Variants in PYGB observed in about 807,000 individuals in gnomAD.
PYGB encodes glycogen phosphorylase B.
In PYGB, 82 loss-of-function variants were observed where a neutral mutation model predicts 94.3. The observed-to-expected ratio is 0.87, with a 90% confidence interval of 0.73 to 1.04. The LOEUF (loss-of-function observed/expected upper bound fraction) is 1.04. Among genes scored for constraint, PYGB ranks in the 50% least tolerant of loss-of-function variants. The probability of loss-of-function intolerance (pLI) is 0.00; values close to 1 mark genes in which losing one functional copy is unlikely to be tolerated. For missense variants in PYGB, 1,132 were observed against 1,158.2 expected, an observed-to-expected ratio of 0.98 and a Z score of 0.33; for synonymous variants, 488 against 479.1, an observed-to-expected ratio of 1.02 and a Z score of -0.24.
rs1047924416 is a variant in PYGB, at chr20:25,297,353, G to A, written c.*831G>A. ...TTTCTTGTTTTAGCAACTGAAAATT[G>A]TACTTGGTCACTTTTGTGCTTGAGG... On this transcript the variant is annotated 3_prime_UTR_variant, in exon 20 of 20. Coordinates refer to ENST00000216962, the MANE Select transcript of PYGB (RefSeq NM_002862.4). 1 of 152,372 alleles carries A rather than the reference G, an allele frequency of 6.6e-6. No individual in the cohort carries two copies. Among genetic ancestry groups the A allele is most frequent in the African/African-American group, 2.4e-5 (1 of 41,478 alleles). The allele number at this position is 152,372 out of a possible 1,614,324, so 9.4% of individuals were successfully genotyped here.
chr20:25,292,703 G>C, intron 17 of PYGB, 90 bp downstream of exon 17: 1 of 1,453,294 alleles, frequency 6.9e-7, no homozygotes, highest in Non-Finnish European at 9.2e-7. Context: ...TGGGCTCTTG[G>C]GGCCAGGCCA....
intron 2 of PYGB, among the ~76,000 whole-genome samples, chr20:25,259,671 TC>T (rs1439527543): frequency 6.6e-6 from 1 of 152,262 alleles, no homozygotes; most frequent in East Asian, 1.9e-4. Flanking sequence ...CATTTTGACT[TC>T]ATCAAACTGC....
intron 11 of PYGB, 61 bp downstream of exon 11, chr20:25,281,173 G>T (rs1239235125): frequency 1.3e-6 from 2 of 1,584,146 alleles, no homozygotes; most frequent in Non-Finnish European, 1.7e-6. Context: ...CTGCGTCTAG[G>T]ACCATCCACC....
rs377097795 is a variant in PYGB, at chr20:25,276,686, A to G, written c.701A>G (p.Tyr234Cys). 106 of 1,613,808 alleles carry G rather than the reference A, an allele frequency of 6.6e-5. No homozygotes were observed. Among genetic ancestry groups the G allele is most frequent in the Non-Finnish European group, 8.3e-5 (98 of 1,179,908 alleles). ...CCCTACGACACCCCAGTGCCCGGCT[A>G]CAAGAACAACACCGTCAACACCATG... ...AMPYDTPVPGYKNNTVNTMRL... is the reference protein window; with the variant it reads ...AMPYDTPVPGCKNNTVNTMRL... The change falls in exon 6 of 20, where the codon TAC (tyrosine) becomes TGC (cysteine). Residue 234 changes from tyrosine to cysteine, a missense_variant. Tyr to Cys is a radical substitution (Grantham distance 194). Coordinates refer to ENST00000216962, the MANE Select transcript of PYGB (RefSeq NM_002862.4).
chr20:25,254,096 A>G (rs74967589), intron 1 of PYGB, among the ~76,000 whole-genome samples: 9,650 of 150,748 alleles, frequency 0.064, 972 homozygotes, highest in African/African-American at 0.22. Flanking sequence ...AAACTGAGTC[A>G]TAGCCTTGTT....
At chr20:25,261,649 AGAG>A (rs989689474) in intron 2 of PYGB, among the ~76,000 whole-genome samples, 43 of 152,346 alleles carry the variant, frequency 2.8e-4, no homozygotes, top group African/African-American at 1.0e-3. Flanking sequence ...TGATGAGTTG[AGAG>A]GAGAAGGCTT....
At chr20:25,249,012 T>A (rs1380698995) in intron 1 of PYGB, among the ~76,000 whole-genome samples, 1 of 152,224 alleles carries the variant, frequency 6.6e-6, no homozygotes, top group Non-Finnish European at 1.5e-5. Flanking sequence ...TCTTAGAGGT[T>A]CCCACACCTC....
At chr20:25,294,457 G>C (rs777101743) in intron 18 of PYGB, among the ~76,000 whole-genome samples, 165 bp downstream of exon 18, 2 of 152,244 alleles carry the variant, frequency 1.3e-5, no homozygotes, top group Non-Finnish European at 2.9e-5. Context: ...TTAGACCCCA[G>C]CTGGGAGTTT....
chr20:25,273,270 A>G (rs985221894), intron 4 of PYGB, among the ~76,000 whole-genome samples: 11 of 152,180 alleles, frequency 7.2e-5, no homozygotes, highest in African/African-American at 2.7e-4. Context: ...GCAGATGGCC[A>G]GGCCCTGGTG....
intron 2 of PYGB, among the ~76,000 whole-genome samples, chr20:25,260,024 G>T (rs1333187753): frequency 6.6e-6 from 1 of 152,200 alleles, no homozygotes; most frequent in Non-Finnish European, 1.5e-5. Context: ...TTGGATGTGT[G>T]TGGGAGGAGT....
intron 1 of PYGB, among the ~76,000 whole-genome samples, chr20:25,250,138 C>T (rs1428021663): frequency 6.6e-6 from 1 of 152,166 alleles, no homozygotes; most frequent in Non-Finnish European, 1.5e-5. Context: ...CGTGAGCCAA[C>T]GCACCCGACC....
intron 15 of PYGB, 73 bp downstream of exon 15, chr20:25,288,556 C>T (rs745822722): frequency 6.6e-7 from 1 of 1,510,016 alleles, no homozygotes; most frequent in Non-Finnish European, 9.1e-7. Flanking sequence ...CTGCACGCTT[C>T]TCATGGTGCC....
chr20:25,296,712 C>T lies in PYGB; in HGVS notation c.*190C>T. The T allele has an allele frequency of 1.3e-6, 1 of 762,622 alleles. No individual in the cohort carries two copies. Among genetic ancestry groups the T allele is most frequent in the East Asian group, 2.8e-5 (1 of 35,252 alleles). 47.2% of individuals were successfully genotyped at this position (762,622 alleles called of 1,614,324 possible). A position where few individuals can be genotyped will look rare whatever the true frequency, so the allele number is the denominator to read the frequency against. ...AAGGAAGGAATGTGCTAGAAGTGCT[C>T]CTAGTTTCTTGTAAAGGAAGCCAGA... On this transcript the variant is annotated 3_prime_UTR_variant, in exon 20 of 20. Coordinates refer to ENST00000216962, the MANE Select transcript of PYGB (RefSeq NM_002862.4).
intron 15 of PYGB, 151 bp from the exon 16 acceptor site, chr20:25,290,330 G>C (rs531461796): frequency 4.1e-6 from 4 of 970,210 alleles, no homozygotes; most frequent in African/African-American, 3.3e-5. Context: ...CCTTGGGGCC[G>C]GGGAGCCTCC....
At position 25,276,702 on chromosome 20, in the gene PYGB, C is replaced by A. The variant is rs1390786451; in HGVS notation, c.717C>A (p.Val239=). Residue 239 remains valine, a synonymous_variant, in exon 6 of 20, where the codon GTC becomes GTA. Transcript: ENST00000216962. ...TPVPGYKNNT[V]NTMRLWSAKA... ...TGCCCGGCTACAAGAACAACACCGT[C>A]AACACCATGCGGCTGTGGTCCGCCA... is the stretch of plus-strand genomic sequence containing the variant. 3 of 1,613,896 alleles carry A rather than the reference C, an allele frequency of 1.9e-6. No individual in the cohort carries two copies. The highest frequency in any genetic ancestry group is 2.5e-6 in the Non-Finnish European group (3 of 1,179,934).
At position 25,284,098 on chromosome 20, in the gene PYGB, T is replaced by A; in HGVS notation, c.1621-6T>A. 1 of 1,613,312 alleles carries A rather than the reference T, an allele frequency of 6.2e-7. No homozygotes were observed. Among genetic ancestry groups the A allele is most frequent in the Non-Finnish European group, 8.5e-7 (1 of 1,179,570 alleles). Reference sequence around the variant, plus strand: ...CTCCAGCCATCTTTCCCTTTCACCCTCCCAGGAGAACAAGCTCAAGTTCTC... The same window carrying A: ...CTCCAGCCATCTTTCCCTTTCACCCACCCAGGAGAACAAGCTCAAGTTCTC... On this transcript the variant is annotated splice_region_variant and splice_polypyrimidine_tract_variant and intron_variant, in intron 13 of 19. Transcript: ENST00000216962.
chr20:25,288,541 G>A, intron 15 of PYGB, 58 bp downstream of exon 15: 5 of 1,574,586 alleles, frequency 3.2e-6, no homozygotes, highest in Non-Finnish European at 3.5e-6. Flanking sequence ...TAGTGGGTGG[G>A]CAGCCTGCAC....
At chr20:25,282,983 C>T (rs546377275) in intron 12 of PYGB, among the ~76,000 whole-genome samples, 193 bp from the exon 13 acceptor site, 4 of 152,086 alleles carry the variant, frequency 2.6e-5, no homozygotes, top group Non-Finnish European at 5.9e-5. Context: ...TCTCGCAGAG[C>T]CCTCTCAGAA....
At chr20:25,296,328 G>A (rs1458638501) in intron 19 of PYGB, 42 bp from the exon 20 acceptor site, 8 of 1,610,656 alleles carry the variant, frequency 5.0e-6, no homozygotes, top group Non-Finnish European at 6.8e-6. Context: ...GCAGCCCCAA[G>A]CCCTGTGACG....
Sources: allele counts gnomAD v4.1 joint callset (sites outside exome capture counted in the v4.1 genomes callset), GRCh38; gene constraint gnomAD v4.1.1; transcripts MANE v1.5; gene names NCBI Gene and HGNC (gene_info 2026-07-23, HGNC 2026-07-21).